THRB: variants seen among roughly 807,000 people sequenced by gnomAD.
The protein encoded by THRB is nuclear receptor subfamily 1 group A member 2.
THRB carries 12 observed loss-of-function variants against 47.8 expected under a neutral mutation model. That is an observed-to-expected ratio of 0.25 (90% CI 0.16 to 0.41). THRB has a LOEUF of 0.41. THRB is among the 10% of genes least tolerant of loss of function. THRB has a pLI of 1.00. For missense variants in THRB, 348 were observed against 589.2 expected (o/e 0.59, Z 4.24); for synonymous variants, 218 against 212.2 (o/e 1.03, Z -0.24).
intron 1 of THRB, among the ~76,000 whole-genome samples, chr3:24,399,207 C>T (rs2067211384): frequency 6.6e-6 from 1 of 150,808 alleles, no homozygotes; most frequent in South Asian, 2.1e-4. Flanking sequence ...TGCACATGTA[C>T]CCTAGAACAT....
At chr3:24,488,806 A>T (rs1697698589) in intron 1 of THRB, among the ~76,000 whole-genome samples, 1 of 152,246 alleles carries the variant, frequency 6.6e-6, no homozygotes, top group Non-Finnish European at 1.5e-5. Context: ...AATAGCAAAC[A>T]ACTGTTTGCT....
intron 4 of THRB, among the ~76,000 whole-genome samples, chr3:24,222,370 G>A (rs1032206864): frequency 2.6e-5 from 4 of 152,132 alleles, no homozygotes; most frequent in South Asian, 4.1e-4. Flanking sequence ...AATACATATC[G>A]AGGAAGTGGA....
At chr3:24,490,149 A>G (rs983675235) in intron 1 of THRB, among the ~76,000 whole-genome samples, 7 of 152,214 alleles carry the variant, frequency 4.6e-5, no homozygotes, top group Non-Finnish European at 1.0e-4. Context: ...ACTGGGCTGC[A>G]TGCTGAACTG....
intron 1 of THRB, among the ~76,000 whole-genome samples, chr3:24,355,907 G>A (rs1189142396): frequency 1.3e-5 from 2 of 152,076 alleles, no homozygotes; most frequent in African/African-American, 2.4e-5. Context: ...TATTCCAATG[G>A]TTCCCCAAGT....
chr3:24,138,806 A>G (rs923571435), intron 8 of THRB, among the ~76,000 whole-genome samples: 1 of 152,188 alleles, frequency 6.6e-6, no homozygotes, highest in African/African-American at 2.4e-5. Context: ...AGTGTGTGAA[A>G]TCAGACAGTA....
chr3:24,281,053 C>A (rs1011085982), intron 3 of THRB, among the ~76,000 whole-genome samples: 50 of 152,010 alleles, frequency 3.3e-4, no homozygotes, highest in Non-Finnish European at 1.3e-4. Context: ...TCTAGCAAGG[C>A]AGGCCAACGT....
rs114061840 is a variant in THRB, at chr3:24,320,999, T to C, written c.-189+16301A>G. Among the ~76,000 whole-genome samples the C allele has an allele frequency of 8.6e-3, 1,304 of 152,336 alleles. 13 individuals carry two copies. Among genetic ancestry groups the C allele is most frequent in the African/African-American group, 0.028 (1,182 of 41,588 alleles). On this transcript the variant is annotated intron_variant, in intron 2 of 10. Transcript: ENST00000646209. The stretch of plus-strand genomic sequence containing the variant: ...CATCTAAGCCACTACCCAGGTCTCT[T>C]TCTCTTACCAACCCTTTCCCCCAAG...
chr3:24,486,286 A>C (rs911033499), intron 1 of THRB: 1 of 152,224 alleles, frequency 6.6e-6, no homozygotes, highest in Non-Finnish European at 1.5e-5. Context: ...ACCTCTGCTG[A>C]GAAACACTAC....
intron 2 of THRB, among the ~76,000 whole-genome samples, chr3:24,303,053 AT>A (rs1403096978): frequency 1.3e-5 from 2 of 152,164 alleles, no homozygotes; most frequent in Non-Finnish European, 2.9e-5. Flanking sequence ...AAAAGGTAAT[AT>A]TTCTCATTTG....
intron 1 of THRB, among the ~76,000 whole-genome samples, chr3:24,485,467 T>C (rs1697154297): frequency 6.6e-6 from 1 of 152,230 alleles, no homozygotes; most frequent in African/African-American, 2.4e-5. Context: ...CAGTGGACTA[T>C]TCTAAGAGTC....
chr3:24,196,907 T>C (rs1378350533), intron 4 of THRB, among the ~76,000 whole-genome samples: 1 of 152,162 alleles, frequency 6.6e-6, no homozygotes, highest in Non-Finnish European at 1.5e-5. Flanking sequence ...ACCTTCAAGG[T>C]CTAGTTCATC....
rs186978291 is a variant in THRB, at chr3:24,186,899, T to G, written c.283+3175A>C. ...GGTAGAGGTTGCAGTGAGCCGAGAT[T>G]GCGCCACTGCACTCCATCCTGGGCA... On this transcript the variant is annotated intron_variant, in intron 5 of 10. Coordinates refer to ENST00000646209, the MANE Select transcript of THRB (RefSeq NM_001354712.2). 2.8e-3 allele frequency among the ~76,000 whole-genome samples: 375 copies of G among 134,760 alleles called. 3 individuals are homozygous for G. Among genetic ancestry groups the G allele is most frequent in the Non-Finnish European group, 4.6e-3 (301 of 65,538 alleles). The allele number at this position is 134,760 out of a possible 152,430, so 88.4% of individuals were successfully genotyped here.
chr3:24,185,926 A>G (rs144444510), intron 5 of THRB, among the ~76,000 whole-genome samples: 1 of 152,302 alleles, frequency 6.6e-6, no homozygotes, highest in East Asian at 1.9e-4. Flanking sequence ...GAAGGGCTCA[A>G]GTCCCAGGGT....
chr3:24,415,748 G>A (rs2068682462), intron 1 of THRB, among the ~76,000 whole-genome samples: 1 of 151,824 alleles, frequency 6.6e-6, no homozygotes, highest in Admixed American at 6.6e-5. Context: ...AACAATGGTA[G>A]TAGAATTATA....
At chr3:24,185,216 A>G (rs1254085194) in intron 5 of THRB, among the ~76,000 whole-genome samples, 4 of 152,240 alleles carry the variant, frequency 2.6e-5, no homozygotes, top group Admixed American at 1.3e-4. Flanking sequence ...TCTATAGCCA[A>G]TGAAAGTCAG....
chr3:24,275,865 C>T (rs1279793178), intron 3 of THRB, among the ~76,000 whole-genome samples: 1 of 152,110 alleles, frequency 6.6e-6, no homozygotes, highest in Non-Finnish European at 1.5e-5. Context: ...AGTTTCACCT[C>T]CCCATAACCC....
At chr3:24,160,324 G>T (rs190046360) in intron 5 of THRB, among the ~76,000 whole-genome samples, 49 of 152,318 alleles carry the variant, frequency 3.2e-4, no homozygotes, top group African/African-American at 1.2e-3. Context: ...ATGGAAAAGG[G>T]CCCCAAACCT....
At chr3:24,157,740 C>T (rs1290432147) in intron 5 of THRB, among the ~76,000 whole-genome samples, 1 of 152,110 alleles carries the variant, frequency 6.6e-6, no homozygotes, top group African/African-American at 2.4e-5. Flanking sequence ...CTATGTTTCC[C>T]AGGCTGGTCT....
chr3:24,486,895 T>C (rs2125923955), intron 1 of THRB, among the ~76,000 whole-genome samples: 1 of 152,314 alleles, frequency 6.6e-6, no homozygotes, highest in South Asian at 2.1e-4. Flanking sequence ...TTATTCTAGA[T>C]CTCCAGATGT....
Sources: gnomAD v4.1 joint callset for allele counts (sites outside exome capture counted in the v4.1 genomes callset) on GRCh38, gnomAD v4.1.1 for gene constraint, MANE v1.5 for transcripts, NCBI Gene and HGNC (gene_info 2026-07-23, HGNC 2026-07-21) for gene names.